Variants in RPRD2 observed in about 807,000 individuals in gnomAD.
The protein encoded by RPRD2 is regulation of nuclear pre-mRNA domain-containing protein 2.
RPRD2 carries 12 observed loss-of-function variants against 104.4 expected under a neutral mutation model. The observed-to-expected ratio is 0.11, with a 90% CI of 0.07 to 0.19. RPRD2 has a LOEUF of 0.19. RPRD2 is among the 10% of genes least tolerant of loss of function. The pLI is 1.00. For synonymous variants in RPRD2, 714 were observed against 684.9 expected (o/e 1.04, Z -0.66); for missense variants, 1,543 against 1,790.1 (o/e 0.86, Z 2.49).
In RPRD2 at chr1:150,472,011, A is replaced by T. The variant is rs1668621463; in HGVS notation, c.3063A>T (p.Ser1021=). The T allele has an allele frequency of 6.2e-7, 1 of 1,613,972 alleles. No individual in the cohort carries two copies. The highest frequency in any genetic ancestry group is 1.1e-5 in the South Asian group (1 of 91,090). Residue 1021 remains serine, a synonymous_variant, in exon 11 of 11, where the codon TCA becomes TCT. Transcript: ENST00000369068. The part of the protein sequence containing the change: ...NMLKNASRKP[S]DDKHFGQAPS... ...TTAAAAACGCCTCACGTAAGCCCTC[A>T]GATGATAAGCATTTTGGCCAGGCTC...
intron 9 of RPRD2, among the ~76,000 whole-genome samples, chr1:150,462,946 T>A (rs1219059558): frequency 6.6e-6 from 1 of 152,162 alleles, no homozygotes; most frequent in Admixed American, 6.6e-5. Flanking sequence ...CTCAAACTTC[T>A]GGGTTCAAGT....
intron 9 of RPRD2, 120 bp downstream of exon 9, chr1:150,460,437 T>C: frequency 9.4e-7 from 1 of 1,063,336 alleles, no homozygotes; most frequent in Non-Finnish European, 1.3e-6. Context: ...AGAGTTTCGC[T>C]CTGTCTCCCA....
At chr1:150,399,068 T>C (rs1039708250) in intron 1 of RPRD2, among the ~76,000 whole-genome samples, 7 of 152,114 alleles carry the variant, frequency 4.6e-5, no homozygotes, top group South Asian at 2.1e-4. Flanking sequence ...AGTGGTGCCA[T>C]ATAGCTCACT....
intron 1 of RPRD2, among the ~76,000 whole-genome samples, chr1:150,409,220 G>T (rs1222831456): frequency 2.0e-5 from 3 of 152,056 alleles, no homozygotes; most frequent in African/African-American, 7.2e-5. Flanking sequence ...GATTGTTGAG[G>T]AATTGATGTT....
chr1:150,416,885 A>AAAC lies in RPRD2; in HGVS notation c.206-709_206-708insCAA, dbSNP rs1313757478. 5.9e-5 allele frequency among the ~76,000 whole-genome samples: 9 copies of AAAC among 151,538 alleles called. No individual in the cohort carries two copies. In the South Asian group the frequency reaches 1.0e-3, roughly 18 times the overall value. ...AGACTCCATCTCCAAAAAAAAAAAA[A>AAAC]AAAAAACAAAAAGAAGAAGAAGAAA... is the stretch of plus-strand genomic sequence containing the variant. On this transcript the variant is annotated intron_variant, in intron 1 of 10. Coordinates refer to ENST00000369068, the MANE Select transcript of RPRD2 (RefSeq NM_015203.5).
chr1:150,431,479 T>TGTTTGTTTGTTTG (rs1553891712), intron 2 of RPRD2, among the ~76,000 whole-genome samples: 1 of 140,016 alleles, frequency 7.1e-6, no homozygotes, highest in Admixed American at 7.6e-5. Context: ...AAGGATTTTT[T>TGTTTGTTTGTTTG]TTTTTTTTTT....
intron 1 of RPRD2, among the ~76,000 whole-genome samples, chr1:150,367,698 C>T (rs1156741227): frequency 6.6e-6 from 1 of 151,806 alleles, no homozygotes; most frequent in Non-Finnish European, 1.5e-5. Flanking sequence ...AGGATATGTT[C>T]CAGAGATATT....
chr1:150,369,441 A>ATTTTTT (rs58054758), intron 1 of RPRD2, among the ~76,000 whole-genome samples: 60 of 57,528 alleles, frequency 1.0e-3, no homozygotes, highest in African/African-American at 2.6e-3. Flanking sequence ...CACCTGGCTA[A>ATTTTTT]TTTTTTTTTT....
intron 7 of RPRD2, 101 bp downstream of exon 7, chr1:150,446,502 C>T (rs1357156640): frequency 1.8e-5 from 18 of 1,010,464 alleles, no homozygotes; most frequent in Non-Finnish European, 2.4e-5. Flanking sequence ...GCATTTTTAT[C>T]TCCTTATCGC....
chr1:150,395,975 C>T (rs2102197810), intron 1 of RPRD2, among the ~76,000 whole-genome samples: 1 of 152,258 alleles, frequency 6.6e-6, no homozygotes, highest in Admixed American at 6.5e-5. Context: ...TAGAAGTGTT[C>T]CCTTTTCACT....
At chr1:150,430,895 C>T (rs1431435386) in intron 2 of RPRD2, among the ~76,000 whole-genome samples, 1 of 151,628 alleles carries the variant, frequency 6.6e-6, no homozygotes, top group Non-Finnish European at 1.5e-5. Flanking sequence ...CCGTTGCACT[C>T]CAGCTTGGCC....
chr1:150,420,469 A>G (rs1287356867), intron 2 of RPRD2, among the ~76,000 whole-genome samples: 2 of 152,222 alleles, frequency 1.3e-5, no homozygotes, highest in Non-Finnish European at 1.5e-5. Flanking sequence ...CCAAGACAGA[A>G]GTCCTTCATT....
chr1:150,365,253 CTGTT>C (rs1392705876), intron 1 of RPRD2, among the ~76,000 whole-genome samples: 5 of 152,218 alleles, frequency 3.3e-5, no homozygotes, highest in African/African-American at 1.2e-4. Context: ...ATTGTAGCGT[CTGTT>C]TATTTCTTAC....
chr1:150,426,234 G>A (rs1286325858), intron 2 of RPRD2, among the ~76,000 whole-genome samples: 1 of 152,168 alleles, frequency 6.6e-6, no homozygotes, highest in Admixed American at 6.5e-5. Context: ...CTCATACTGT[G>A]TATCTTAATA....
chr1:150,444,806 G>C (rs1184870009), intron 6 of RPRD2, among the ~76,000 whole-genome samples: 1 of 152,086 alleles, frequency 6.6e-6, no homozygotes, highest in African/African-American at 2.4e-5. Context: ...ACAATGCTTG[G>C]CACATAATAG....
chr1:150,473,303 C>A lies in RPRD2; in HGVS notation c.4355C>A (p.Pro1452Gln), dbSNP rs762410918. The change falls in exon 11 of 11, where the codon CCA (proline) becomes CAA (glutamine). Residue 1452 changes from proline (P) to glutamine (Q), a missense_variant. Pro to Gln is a moderately conservative substitution (Grantham distance 76). This residue lies in a region of RPRD2 where 880 missense variants were observed against 885.6 expected (regional missense o/e 0.99). Transcript: ENST00000369068. ...PFARGPPFFAPKRPFFPPRY is the reference protein window; with the variant it reads ...PFARGPPFFAQKRPFFPPRY ...GCTAGGGGCCCTCCGTTCTTTGCAC[C>A]AAAACGCCCATTCTTCCCTCCCAGG... is the stretch of plus-strand genomic sequence containing the variant. 1 of 1,612,636 alleles carries A rather than the reference C, an allele frequency of 6.2e-7. No individual in the cohort carries two copies.
At chr1:150,446,458 T>C (rs2102371732) in intron 7 of RPRD2, 57 bp downstream of exon 7, 1 of 1,369,222 alleles carries the variant, frequency 7.3e-7, no homozygotes, top group Non-Finnish European at 1.0e-6. Context: ...TTTCAGAGAT[T>C]GTTAACATGC....
chr1:150,408,720 A>C (rs782455284), intron 1 of RPRD2, among the ~76,000 whole-genome samples: 8 of 152,176 alleles, frequency 5.3e-5, no homozygotes, highest in African/African-American at 7.2e-5. Flanking sequence ...CTTATTATCC[A>C]CGTAATATGG....
chr1:150,449,883 A>G (rs1667037182), intron 7 of RPRD2, among the ~76,000 whole-genome samples: 1 of 152,132 alleles, frequency 6.6e-6, no homozygotes, highest in Non-Finnish European at 1.5e-5. Context: ...TGGAACTCAC[A>G]TTAGTATGTA....
Sources: allele counts gnomAD v4.1 joint callset (sites outside exome capture counted in the v4.1 genomes callset), GRCh38; gene constraint gnomAD v4.1.1; regional missense constraint gnomAD v4.1.1; transcripts MANE v1.5; gene names NCBI Gene and HGNC (gene_info 2026-07-23, HGNC 2026-07-21).